Variants in AGBL4 observed in about 807,000 individuals in gnomAD.
AGBL4 encodes AGBL carboxypeptidase 4, also known as cytosolic carboxypeptidase 6.
A neutral mutation model predicts 66.4 loss-of-function variants in AGBL4; 58 were observed. The ratio of observed to expected loss-of-function variants is 0.87; its 90% CI spans 0.71 to 1.09. AGBL4 has a LOEUF of 1.09. AGBL4 is among the 50% of genes least tolerant of loss of function. The pLI, the probability that AGBL4 is intolerant of heterozygous loss-of-function variation, is 0.00. For missense variants in AGBL4, 579 were observed against 631.0 expected (o/e 0.92, Z 0.88); for synonymous variants, 234 against 222.9 (o/e 1.05, Z -0.44).
intron 4 of AGBL4, among the ~76,000 whole-genome samples, chr1:49,117,217 A>T (rs1645544430): frequency 6.6e-6 from 1 of 152,080 alleles, no homozygotes; most frequent in African/African-American, 2.4e-5. Flanking sequence ...GAAGCTCTTT[A>T]GTTTAATTAG....
At chr1:49,868,108 C>A (rs1451330339) in intron 1 of AGBL4, among the ~76,000 whole-genome samples, 1 of 152,016 alleles carries the variant, frequency 6.6e-6, no homozygotes, top group African/African-American at 2.4e-5. Flanking sequence ...CAAACCACTG[C>A]TCAAGGAAAT....
At chr1:49,519,345 T>C (rs1650076742) in intron 3 of AGBL4, among the ~76,000 whole-genome samples, 1 of 152,062 alleles carries the variant, frequency 6.6e-6, no homozygotes, top group African/African-American at 2.4e-5. Context: ...GCTTTTCTTT[T>C]AATCTATAAA....
intron 12 of AGBL4, among the ~76,000 whole-genome samples, chr1:48,535,433 C>G (rs1427771417): frequency 6.6e-6 from 1 of 152,182 alleles, no homozygotes; most frequent in Admixed American, 6.5e-5. Context: ...TTGCTCATCT[C>G]TTTCTCTCAT....
At chr1:49,694,321 A>C (rs1373064646) in intron 3 of AGBL4, among the ~76,000 whole-genome samples, 1 of 152,182 alleles carries the variant, frequency 6.6e-6, no homozygotes. Flanking sequence ...TCTTTAACGT[A>C]GACTACCATG....
intron 3 of AGBL4, among the ~76,000 whole-genome samples, chr1:49,553,683 A>G (rs1653153745): frequency 6.6e-6 from 1 of 152,170 alleles, no homozygotes; most frequent in Admixed American, 6.5e-5. Flanking sequence ...CCCTACCTAT[A>G]TCAGAAAGAA....
chr1:48,611,743 T>A (rs1413869993), intron 9 of AGBL4, among the ~76,000 whole-genome samples: 1 of 152,224 alleles, frequency 6.6e-6, no homozygotes, highest in African/African-American at 2.4e-5. Flanking sequence ...AATAAATCTA[T>A]GTGACTGCAA....
intron 4 of AGBL4, among the ~76,000 whole-genome samples, chr1:49,051,396 AT>A (rs1344552918): frequency 6.6e-6 from 1 of 152,110 alleles, no homozygotes; most frequent in Non-Finnish European, 1.5e-5. Context: ...GCTACCTCAG[AT>A]TTATCCAACA....
chr1:49,878,186 T>G (rs1236372822), intron 1 of AGBL4, among the ~76,000 whole-genome samples: 1 of 146,872 alleles, frequency 6.8e-6, no homozygotes, highest in Non-Finnish European at 1.5e-5. Context: ...TTTAGTTATT[T>G]CTTGCCTTCT....
chr1:48,643,062 G>A (rs1048629965), intron 8 of AGBL4, among the ~76,000 whole-genome samples: 2 of 152,152 alleles, frequency 1.3e-5, no homozygotes, highest in African/African-American at 4.8e-5. Flanking sequence ...AAATCATACA[G>A]GTAAAATGCC....
At chr1:49,316,491 TGAGA>T (rs147258877) in intron 3 of AGBL4, among the ~76,000 whole-genome samples, 4 of 150,132 alleles carry the variant, frequency 2.7e-5, no homozygotes, top group Non-Finnish European at 3.0e-5. Flanking sequence ...ACTCAATTAC[TGAGA>T]GAGAGAGAGA....
intron 5 of AGBL4, among the ~76,000 whole-genome samples, chr1:49,025,423 A>G (rs958539634): frequency 6.6e-6 from 1 of 152,208 alleles, no homozygotes; most frequent in African/African-American, 2.4e-5. Flanking sequence ...GCCAATAAAC[A>G]GGATGTTCCA....
chr1:49,080,713 C>A (rs575951672), intron 4 of AGBL4, among the ~76,000 whole-genome samples: 1 of 152,278 alleles, frequency 6.6e-6, no homozygotes, highest in South Asian at 2.1e-4. Flanking sequence ...ATTTGGATTA[C>A]ATTTCTTTGT....
intron 9 of AGBL4, among the ~76,000 whole-genome samples, chr1:48,622,766 G>A (rs927559760): frequency 1.3e-5 from 2 of 152,144 alleles, no homozygotes; most frequent in African/African-American, 4.8e-5. Context: ...TTACAGGCAT[G>A]AGCCACTGCA....
the AGBL4 span, among the ~76,000 whole-genome samples, chr1:48,524,543 G>A: frequency 1.3e-5 from 2 of 152,160 alleles, no homozygotes; most frequent in Non-Finnish European, 2.9e-5. Context: ...CTGGGGCAGA[G>A]GGGTGATCCA....
At chr1:48,872,336 T>A (rs11205564) in intron 5 of AGBL4, among the ~76,000 whole-genome samples, 26,241 of 152,192 alleles carry the variant, frequency 0.17, 2,760 homozygotes, top group East Asian at 0.42. Flanking sequence ...CCAGGCTGCA[T>A]CTTTGTTTTG....
chr1:49,336,444 C>T (rs770978316), intron 3 of AGBL4, among the ~76,000 whole-genome samples: 7 of 152,334 alleles, frequency 4.6e-5, no homozygotes, highest in South Asian at 2.1e-4. Context: ...AACACTCTCA[C>T]GGACACAGTG....
At chr1:48,670,945 G>A (rs907223566) in intron 6 of AGBL4, among the ~76,000 whole-genome samples, 1 of 152,258 alleles carries the variant, frequency 6.6e-6, no homozygotes, top group Non-Finnish European at 1.5e-5. Context: ...ACTCAACAGG[G>A]CCTTTCAACA....
chr1:48,761,115 G>A (rs1644235651), intron 6 of AGBL4: 1 of 516,192 alleles, frequency 1.9e-6, no homozygotes, highest in East Asian at 3.4e-5. Flanking sequence ...GTGCAAACAG[G>A]ACCAAGCTTG....
At chr1:49,527,691 G>C (rs1650778269) in intron 3 of AGBL4, 1 of 151,980 alleles carries the variant, frequency 6.6e-6, no homozygotes, top group African/African-American at 2.4e-5. Context: ...CCATCCCTTT[G>C]GGGAATTTGC....
Sources: allele counts gnomAD v4.1 joint callset (sites outside exome capture counted in the v4.1 genomes callset), GRCh38; gene constraint gnomAD v4.1.1; transcripts MANE v1.5; gene names NCBI Gene and HGNC (gene_info 2026-07-23, HGNC 2026-07-21).